The following NCOA2 variants were observed in gnomAD, a reference collection of about 807,000 sequenced individuals.
NCOA2 encodes class E basic helix-loop-helix protein 75.
A neutral mutation model predicts 145.1 loss-of-function variants in NCOA2; 21 were observed. The ratio of observed to expected loss-of-function variants is 0.14; its 90% confidence interval spans 0.10 to 0.21. The LOEUF (loss-of-function observed/expected upper bound fraction) is 0.21, where lower values mean the gene tolerates loss of function less well. Ranked by LOEUF, NCOA2 falls within the 10% of genes least tolerant of loss-of-function variation. The probability of loss-of-function intolerance (pLI) is 1.00; values close to 1 mark genes in which losing one functional copy is unlikely to be tolerated. For missense variants in NCOA2, 1,472 were observed against 1,837.6 expected, an observed-to-expected ratio of 0.80 and a Z score of 3.64; for synonymous variants, 619 against 637.5, an observed-to-expected ratio of 0.97 and a Z score of 0.44.
chr8:70,402,857 C>CGCCGCCGGGGCCCG (rs1814459863), intron 1 of NCOA2, among the ~76,000 whole-genome samples: 2 of 146,322 alleles, frequency 1.4e-5, no homozygotes, highest in Non-Finnish European at 3.0e-5. Context: ...CCCGGCTCGG[C>CGCCGCCGGGGCCCG]GCCGCCGGGG....
chr8:70,434,330 ATTACT>A, the NCOA2 span, among the ~76,000 whole-genome samples: 1 of 152,214 alleles, frequency 6.6e-6, no homozygotes, highest in African/African-American at 2.4e-5. Flanking sequence ...ATACGATAAC[ATTACT>A]TGGAGATAGC....
intron 2 of NCOA2, among the ~76,000 whole-genome samples, chr8:70,239,472 GCAC>G (rs1458954121): frequency 6.6e-6 from 1 of 152,094 alleles, no homozygotes; most frequent in Non-Finnish European, 1.5e-5. Flanking sequence ...AGACTCCACT[GCAC>G]TCTATTCTGG....
At chr8:70,336,911 G>A (rs1269343536) in intron 1 of NCOA2, among the ~76,000 whole-genome samples, 2 of 152,086 alleles carry the variant, frequency 1.3e-5, no homozygotes, top group African/African-American at 4.8e-5. Flanking sequence ...GTGAACACAG[G>A]TGTCCACTCT....
At chr8:70,350,190 G>C (rs1179238829) in intron 1 of NCOA2, among the ~76,000 whole-genome samples, 1 of 152,110 alleles carries the variant, frequency 6.6e-6, no homozygotes, top group African/African-American at 2.4e-5. Context: ...CTAGCATACT[G>C]TGGATCTTCT....
intron 18 of NCOA2, among the ~76,000 whole-genome samples, chr8:70,127,993 G>T (rs1808631258): frequency 6.6e-6 from 1 of 152,204 alleles, no homozygotes; most frequent in Non-Finnish European, 1.5e-5. Context: ...AAGAGGCGGT[G>T]ATGTGCCTTC....
intron 1 of NCOA2, among the ~76,000 whole-genome samples, chr8:70,395,123 T>C (rs1813537717): frequency 6.6e-6 from 1 of 152,222 alleles, no homozygotes; most frequent in African/African-American, 2.4e-5. Context: ...CTACCACTTA[T>C]ATTTAATCTT....
At chr8:70,134,631 T>C (rs1357404115) in intron 15 of NCOA2, among the ~76,000 whole-genome samples, 2 of 152,212 alleles carry the variant, frequency 1.3e-5, no homozygotes, top group African/African-American at 4.8e-5. Context: ...AGGCAGGCAC[T>C]GTCTCGTGCC....
At chr8:70,246,455 G>A (rs1822628811) in intron 2 of NCOA2, among the ~76,000 whole-genome samples, 1 of 152,092 alleles carries the variant, frequency 6.6e-6, no homozygotes, top group Non-Finnish European at 1.5e-5. Context: ...CTGTTAATCT[G>A]AAGTCAACAG....
chr8:70,188,347 G>C (rs935405279), intron 4 of NCOA2, among the ~76,000 whole-genome samples: 6 of 152,164 alleles, frequency 3.9e-5, no homozygotes, highest in Non-Finnish European at 2.9e-5. Context: ...GCTGCATATA[G>C]GGTTTCCTGA....
chr8:70,212,066 C>CATATATATATATATATATATATATATAT (rs36215324), intron 4 of NCOA2, among the ~76,000 whole-genome samples: 2 of 144,338 alleles, frequency 1.4e-5, no homozygotes, highest in African/African-American at 5.1e-5. Flanking sequence ...CTTTGTGGCG[C>CATATATATATATATATATATATATATAT]ATATATATAT....
chr8:70,305,799 C>T (rs995610519), intron 1 of NCOA2, among the ~76,000 whole-genome samples: 16 of 152,100 alleles, frequency 1.1e-4, no homozygotes, highest in Non-Finnish European at 1.0e-4. Context: ...CAATATTTTA[C>T]AGAGTTGTAG....
At chr8:70,159,398 G>A (rs1812706587) in intron 10 of NCOA2, 107 bp downstream of exon 10, 2 of 1,014,598 alleles carry the variant, frequency 2.0e-6, no homozygotes, top group Admixed American at 2.4e-5. Flanking sequence ...TGGGATTGAT[G>A]AGAAGAAATG....
At chr8:70,285,712 A>G (rs559818130) in intron 2 of NCOA2, among the ~76,000 whole-genome samples, 4 of 152,220 alleles carry the variant, frequency 2.6e-5, no homozygotes, top group Non-Finnish European at 4.4e-5. Context: ...GCTTCTGTAT[A>G]CCTAAAACAT....
At chr8:70,175,080 C>T (rs374171244) in intron 4 of NCOA2, among the ~76,000 whole-genome samples, 1 of 152,336 alleles carries the variant, frequency 6.6e-6, no homozygotes, top group Non-Finnish European at 1.5e-5. Flanking sequence ...CTTGGATCCA[C>T]TTTCAGGCTG....
At chr8:70,177,527 C>T (rs560724389) in intron 4 of NCOA2, among the ~76,000 whole-genome samples, 75 of 152,178 alleles carry the variant, frequency 4.9e-4, no homozygotes, top group Middle Eastern at 3.4e-3. Flanking sequence ...AAGTAATTTT[C>T]CCCTTTTGCC....
chr8:70,403,230 T>C (rs1331163891), intron 1 of NCOA2, among the ~76,000 whole-genome samples: 1 of 151,164 alleles, frequency 6.6e-6, no homozygotes, highest in East Asian at 2.0e-4. Context: ...CCCCGAGGGG[T>C]TAGAGCCTCG....
intron 12 of NCOA2, among the ~76,000 whole-genome samples, chr8:70,147,855 G>A (rs1382526634): frequency 2.6e-5 from 4 of 151,888 alleles, no homozygotes; most frequent in African/African-American, 7.3e-5. Context: ...GAGCAGTTTG[G>A]GAGGGTAGAA....
intron 2 of NCOA2, chr8:70,273,905 CTATTT>C (rs1825262934): frequency 8.3e-6 from 4 of 481,326 alleles, no homozygotes; most frequent in South Asian, 6.5e-5. Context: ...CTGGGAGCTG[CTATTT>C]TATATTATGA....
At chr8:70,336,009 T>C (rs932252831) in intron 1 of NCOA2, among the ~76,000 whole-genome samples, 1 of 152,222 alleles carries the variant, frequency 6.6e-6, no homozygotes, top group Non-Finnish European at 1.5e-5. Flanking sequence ...TTTAAAAAAT[T>C]ATATACCTGC....
Sources: allele counts gnomAD v4.1 joint callset (sites outside exome capture counted in the v4.1 genomes callset), GRCh38; gene constraint gnomAD v4.1.1; transcripts MANE v1.5; gene names NCBI Gene and HGNC (gene_info 2026-07-23, HGNC 2026-07-21).